TSNAX: variants seen among roughly 807,000 people sequenced by gnomAD.
TSNAX encodes the protein translin associated factor X, also known as translin-associated protein X.
A neutral mutation model predicts 33.0 loss-of-function variants in TSNAX; 12 were observed. The ratio of observed to expected loss-of-function variants is 0.36; its 90% CI spans 0.23 to 0.59. The LOEUF (loss-of-function observed/expected upper bound fraction) is 0.59, where lower values mean the gene tolerates loss of function less well. Ranked by LOEUF, TSNAX falls within the 20% of genes least tolerant of loss-of-function variation. The pLI, the probability that TSNAX is intolerant of heterozygous loss-of-function variation, is 0.74. For synonymous variants in TSNAX, 110 were observed against 117.2 expected (o/e 0.94, Z 0.40); for missense variants, 267 against 341.3 (o/e 0.78, Z 1.72).
intron 4 of TSNAX, among the ~76,000 whole-genome samples, chr1:231,552,085 C>T (rs949594991): frequency 6.6e-6 from 1 of 152,100 alleles, no homozygotes; most frequent in Non-Finnish European, 1.5e-5. Flanking sequence ...CACCTGAGGT[C>T]GGGAGTTCGA....
chr1:231,540,911 G>T (rs1483916094), intron 3 of TSNAX, among the ~76,000 whole-genome samples: 1 of 152,146 alleles, frequency 6.6e-6, no homozygotes, highest in Non-Finnish European at 1.5e-5. Flanking sequence ...AAAGTTTGAT[G>T]TTAATATAGC....
At chr1:231,560,411 C>G (rs1400320755) in intron 4 of TSNAX, among the ~76,000 whole-genome samples, 2 of 91,940 alleles carry the variant, frequency 2.2e-5, no homozygotes, top group African/African-American at 8.1e-5. Flanking sequence ...TTTTCTCCCC[C>G]CCCCCCCTTT....
At chr1:231,539,099 T>C (rs542513780) in intron 3 of TSNAX, among the ~76,000 whole-genome samples, 1 of 152,372 alleles carries the variant, frequency 6.6e-6, no homozygotes, top group South Asian at 2.1e-4. Context: ...CCTGACTGTG[T>C]AAAATTAGTT....
intron 3 of TSNAX, among the ~76,000 whole-genome samples, chr1:231,540,425 G>A (rs940134660): frequency 5.9e-5 from 9 of 152,090 alleles, no homozygotes; most frequent in African/African-American, 1.9e-4. Flanking sequence ...ATTTAAGTAT[G>A]TTATTTTGTG....
chr1:231,561,829 G>A (rs1323070649), intron 5 of TSNAX, among the ~76,000 whole-genome samples: 1 of 152,080 alleles, frequency 6.6e-6, no homozygotes, highest in Non-Finnish European at 1.5e-5. Context: ...TATTAATTAG[G>A]CAATATACAG....
At chr1:231,562,057 TATAAC>T (rs1273594931) in intron 5 of TSNAX, among the ~76,000 whole-genome samples, 2 of 151,728 alleles carry the variant, frequency 1.3e-5, no homozygotes, top group Non-Finnish European at 2.9e-5. Context: ...GGTTTCAAGA[TATAAC>T]AGGCAGTAAG....
intron 4 of TSNAX, among the ~76,000 whole-genome samples, chr1:231,555,782 A>G (rs1255157712): frequency 6.6e-6 from 1 of 152,080 alleles, no homozygotes; most frequent in African/African-American, 2.4e-5. Flanking sequence ...TGCTCAAGGA[A>G]AGACTGAAAT....
chr1:231,564,394 A>G, intron 5 of TSNAX, 134 bp from the exon 6 acceptor site: 1 of 1,459,018 alleles, frequency 6.9e-7, no homozygotes, highest in Non-Finnish European at 9.0e-7. Context: ...TTTAGAAAAA[A>G]TTAGTATGAC....
At chr1:231,546,727 G>T (rs1659938912) in intron 4 of TSNAX, among the ~76,000 whole-genome samples, 1 of 152,222 alleles carries the variant, frequency 6.6e-6, no homozygotes, top group South Asian at 2.1e-4. Context: ...TTTCTCTCTT[G>T]AAGACCAGGC....
chr1:231,532,106 C>T lies in TSNAX; in HGVS notation c.121+2747C>T, dbSNP rs559613237. On this transcript the variant is annotated intron_variant, in intron 2 of 5. Transcript: ENST00000366639. ...AAAAAACTAACTGAGGTGATGGATACGTTAATTAGCTTAATAGTGGTAATA... is the reference window on the plus strand; with the variant it reads ...AAAAAACTAACTGAGGTGATGGATATGTTAATTAGCTTAATAGTGGTAATA... Among the ~76,000 whole-genome samples the T allele has an allele frequency of 4.3e-5, 5 of 116,590 alleles. No individual in the cohort carries two copies. The South Asian group carries it at 9.4e-4, about 22-fold the overall frequency. The allele number at this position is 116,590 out of a possible 152,430, so 76.5% of individuals were successfully genotyped here.
At chr1:231,559,800 A>G (rs1660927176) in intron 4 of TSNAX, among the ~76,000 whole-genome samples, 1 of 151,900 alleles carries the variant, frequency 6.6e-6, no homozygotes, top group Admixed American at 6.6e-5. Flanking sequence ...CTTGTACAAA[A>G]TTGTATTGCA....
chr1:231,540,213 T>G (rs201767357), intron 3 of TSNAX, among the ~76,000 whole-genome samples: 2 of 140,272 alleles, frequency 1.4e-5, no homozygotes, highest in Non-Finnish European at 3.1e-5. Flanking sequence ...ATGAAAGAAA[T>G]GAGCCAGTCA....
intron 4 of TSNAX, among the ~76,000 whole-genome samples, chr1:231,544,919 A>G (rs992422752): frequency 2.0e-4 from 29 of 146,402 alleles, no homozygotes; most frequent in African/African-American, 6.9e-4. Flanking sequence ...GAGGATTATT[A>G]TAAGCACAGT....
At chr1:231,540,855 T>G (rs1175567095) in intron 3 of TSNAX, among the ~76,000 whole-genome samples, 3 of 152,226 alleles carry the variant, frequency 2.0e-5, no homozygotes, top group Non-Finnish European at 2.9e-5. Flanking sequence ...TTTAATGAAT[T>G]GACCCTTTAT....
rs113872448 is a variant in TSNAX, at chr1:231,532,310, A to G, written c.121+2951A>G. Among the ~76,000 whole-genome samples, 581 of 151,052 alleles carry G rather than the reference A, an allele frequency of 3.8e-3. 6 individuals are homozygous for G. The highest frequency in any genetic ancestry group is 0.013 in the African/African-American group (536 of 41,086). On this transcript the variant is annotated intron_variant, in intron 2 of 5. Transcript: ENST00000366639. Reference sequence around the variant, plus strand: ...GGGCTCAAGTGATCCTCCCACCTCAACCTCCCAAGTAGCTGGGACTACAGG... The same window carrying G: ...GGGCTCAAGTGATCCTCCCACCTCAGCCTCCCAAGTAGCTGGGACTACAGG...
At chr1:231,533,930 A>G (rs1658967131) in intron 2 of TSNAX, among the ~76,000 whole-genome samples, 1 of 152,202 alleles carries the variant, frequency 6.6e-6, no homozygotes, top group African/African-American at 2.4e-5. Flanking sequence ...TAATACTTTA[A>G]TCTACAGTGC....
intron 2 of TSNAX, among the ~76,000 whole-genome samples, chr1:231,532,131 A>AACACACACACACACAC (rs745744924): frequency 0.029 from 2,467 of 85,024 alleles, 144 homozygotes; most frequent in East Asian, 0.074. Flanking sequence ...TAGTGGTAAT[A>AACACACACACACACAC]ACACACACAC....
At chr1:231,550,770 G>T (rs1660246772) in intron 4 of TSNAX, among the ~76,000 whole-genome samples, 1 of 152,182 alleles carries the variant, frequency 6.6e-6, no homozygotes, top group African/African-American at 2.4e-5. Context: ...ATGGTTGGGG[G>T]AATTGGAAGC....
intron 2 of TSNAX, among the ~76,000 whole-genome samples, chr1:231,532,965 C>G (rs1558118753): frequency 1.3e-5 from 2 of 151,816 alleles, no homozygotes; most frequent in African/African-American, 4.8e-5. Flanking sequence ...AATCATTTCC[C>G]TTTTTTTTCC....
Sources: allele counts gnomAD v4.1 joint callset (sites outside exome capture counted in the v4.1 genomes callset), GRCh38; gene constraint gnomAD v4.1.1; transcripts MANE v1.5; gene names NCBI Gene and HGNC (gene_info 2026-07-23, HGNC 2026-07-21).